Variants in GABBR2 observed in about 807,000 individuals in gnomAD.
GABBR2 encodes the protein gamma-aminobutyric acid type B receptor subunit 2, also known as G-protein coupled receptor 51.
In GABBR2, 23 loss-of-function variants were observed where a neutral mutation model predicts 105.6. That is an observed-to-expected ratio of 0.22 (90% CI 0.16 to 0.31). The LOEUF (loss-of-function observed/expected upper bound fraction) is 0.31, where lower values mean the gene tolerates loss of function less well. Among genes scored for constraint, GABBR2 ranks in the 10% least tolerant of loss-of-function variants. The probability of loss-of-function intolerance (pLI) is 1.00; values close to 1 mark genes in which losing one functional copy is unlikely to be tolerated. For synonymous variants in GABBR2, 478 were observed against 499.7 expected (o/e 0.96, Z 0.58); for missense variants, 734 against 1,245.5 (o/e 0.59, Z 6.18).
intron 13 of GABBR2, among the ~76,000 whole-genome samples, chr9:98,349,349 GTT>G (rs1182072320): frequency 3.9e-3 from 95 of 24,180 alleles, no homozygotes; most frequent in African/African-American, 0.011. Context: ...TTGAAGTTTT[GTT>G]TTTTTTTTTT....
chr9:98,290,277 T>TGG lies in GABBR2; in HGVS notation c.*306_*307insCC, dbSNP rs1311216423. ...CCTTGTCTAGTTTTTTTGTTTTTTT[T>TGG]TTTTTTTTTTTTTTTTTGCAAGTTT... On this transcript the variant is annotated 3_prime_UTR_variant, in exon 19 of 19. Transcript: ENST00000259455. The TGG allele has an allele frequency of 7.1e-6, 1 of 141,114 alleles. No individual in the cohort carries two copies. Among genetic ancestry groups the TGG allele is most frequent in the Admixed American group, 7.2e-5 (1 of 13,904 alleles). The allele number at this position is 141,114 out of a possible 1,614,324, so 8.7% of individuals were successfully genotyped here.
chr9:98,539,115 C>G (rs1449683035), intron 3 of GABBR2, among the ~76,000 whole-genome samples: 1 of 152,242 alleles, frequency 6.6e-6, no homozygotes, highest in Non-Finnish European at 1.5e-5. Context: ...CACACAGCAA[C>G]AGCCTGAGGG....
chr9:98,403,871 T>G (rs2131525961), intron 8 of GABBR2, among the ~76,000 whole-genome samples: 1 of 152,136 alleles, frequency 6.6e-6, no homozygotes, highest in African/African-American at 2.4e-5. Context: ...ATACTCCTAT[T>G]TTACAGATGA....
intron 1 of GABBR2, among the ~76,000 whole-genome samples, chr9:98,611,659 C>G (rs556485885): frequency 6.6e-6 from 1 of 152,110 alleles, no homozygotes; most frequent in Non-Finnish European, 1.5e-5. Context: ...GTTAAGAAAA[C>G]GAGAAAGTGC....
At chr9:98,510,458 T>G (rs1827616198) in intron 3 of GABBR2, among the ~76,000 whole-genome samples, 1 of 152,156 alleles carries the variant, frequency 6.6e-6, no homozygotes, top group Non-Finnish European at 1.5e-5. Context: ...ATGCTCCAAT[T>G]AAAAGACACA....
chr9:98,689,817 C>T lies in GABBR2; in HGVS notation c.321+18600G>A, dbSNP rs567671533. On this transcript the variant is annotated intron_variant, in intron 1 of 18. Transcript: ENST00000259455. ...GTTTCTTATACACATCCAAACCACA[C>T]AAGAAACTCTTTTCAGGATATATTT... is the stretch of plus-strand genomic sequence containing the variant. Among the ~76,000 whole-genome samples the T allele has an allele frequency of 2.6e-5, 4 of 152,290 alleles. No homozygotes were observed. The South Asian group carries it at 8.3e-4, about 32-fold the overall frequency.
intron 4 of GABBR2, among the ~76,000 whole-genome samples, chr9:98,491,938 A>G (rs1827182811): frequency 6.6e-6 from 1 of 152,142 alleles, no homozygotes; most frequent in Admixed American, 6.5e-5. Flanking sequence ...GCTGGTTGAC[A>G]TCAGACTTCA....
chr9:98,313,421 A>G (rs1830665251), intron 13 of GABBR2, among the ~76,000 whole-genome samples: 1 of 152,174 alleles, frequency 6.6e-6, no homozygotes, highest in Non-Finnish European at 1.5e-5. Flanking sequence ...ATAAGATCCA[A>G]CACTGCCGAG....
chr9:98,459,131 C>T (rs1826378727), intron 6 of GABBR2, among the ~76,000 whole-genome samples: 1 of 152,212 alleles, frequency 6.6e-6, no homozygotes, highest in Admixed American at 6.5e-5. Flanking sequence ...CCTCAAAGAG[C>T]CAAAGACAGG....
intron 13 of GABBR2, among the ~76,000 whole-genome samples, chr9:98,323,634 G>A (rs945505112): frequency 2.6e-5 from 4 of 152,182 alleles, no homozygotes; most frequent in African/African-American, 7.2e-5. Flanking sequence ...TCCAGTCCTC[G>A]TCCAGGCTGG....
intron 1 of GABBR2, among the ~76,000 whole-genome samples, chr9:98,701,500 A>G (rs766665541): frequency 2.0e-4 from 30 of 152,176 alleles, no homozygotes; most frequent in Non-Finnish European, 3.8e-4. Context: ...AGGGAGGAAG[A>G]CCCTGGGGAA....
intron 1 of GABBR2, among the ~76,000 whole-genome samples, chr9:98,645,002 G>C (rs138617467): frequency 1.1e-3 from 172 of 152,272 alleles, no homozygotes; most frequent in African/African-American, 3.9e-3. Flanking sequence ...ACCCAGGGCG[G>C]GCTGTTTTCT....
intron 1 of GABBR2, among the ~76,000 whole-genome samples, chr9:98,640,255 G>A (rs1044578622): frequency 1.3e-5 from 2 of 151,928 alleles, no homozygotes; most frequent in African/African-American, 4.8e-5. Flanking sequence ...CACAGTAGGT[G>A]CACCAGTAAC....
rs1333226358 is a variant in GABBR2, at chr9:98,543,378, T to C, written c.460-1335A>G. On this transcript the variant is annotated intron_variant, in intron 2 of 18. Coordinates refer to ENST00000259455, the MANE Select transcript of GABBR2 (RefSeq NM_005458.8). The stretch of plus-strand genomic sequence containing the variant: ...TTTATTTATATATATATTTATTTAT[T>C]ATTTAGAGACAGGGTCCATTCTGTT... Among the ~76,000 whole-genome samples the C allele has an allele frequency of 2.0e-5, 3 of 151,700 alleles. No individual in the cohort carries two copies. In the East Asian group the frequency reaches 5.8e-4, roughly 29 times the overall value.
At chr9:98,463,512 A>G (rs2779592) in intron 6 of GABBR2, among the ~76,000 whole-genome samples, 117,692 of 152,210 alleles carry the variant, frequency 0.77, 46,113 homozygotes, top group East Asian at 0.9. Flanking sequence ...TAAAGCTACA[A>G]AAATTAAGAT....
chr9:98,680,331 A>C (rs1181295218), intron 1 of GABBR2, among the ~76,000 whole-genome samples: 1 of 152,104 alleles, frequency 6.6e-6, no homozygotes, highest in Non-Finnish European at 1.5e-5. Flanking sequence ...TTTGAGACAG[A>C]GTCTCGCTCT....
intron 7 of GABBR2, among the ~76,000 whole-genome samples, chr9:98,423,061 A>G (rs1312434404): frequency 3.3e-5 from 5 of 152,142 alleles, no homozygotes; most frequent in East Asian, 1.9e-4. Flanking sequence ...GAATAGTGCC[A>G]CAATAAACAC....
chr9:98,615,605 G>T (rs548022219), intron 1 of GABBR2, among the ~76,000 whole-genome samples: 17 of 152,224 alleles, frequency 1.1e-4, no homozygotes, highest in Non-Finnish European at 2.4e-4. Flanking sequence ...GATAAAGCAG[G>T]AGGTGCCAAG....
chr9:98,369,210 C>T (rs922215934), intron 12 of GABBR2, among the ~76,000 whole-genome samples: 19 of 152,334 alleles, frequency 1.2e-4, no homozygotes, highest in African/African-American at 2.9e-4. Context: ...GGCCCAGAGA[C>T]GGCCCCTCCA....
Sources: allele counts gnomAD v4.1 joint callset (sites outside exome capture counted in the v4.1 genomes callset), GRCh38; gene constraint gnomAD v4.1.1; transcripts MANE v1.5; gene names NCBI Gene and HGNC (gene_info 2026-07-23, HGNC 2026-07-21).